Variants in NFATC3 observed in about 807,000 individuals in gnomAD.
NFATC3 encodes nuclear factor of activated T cells 3, also known as nuclear factor of activated T-cells, cytoplasmic 3.
Under a neutral mutation model 98.6 loss-of-function variants are expected in NFATC3, and 46 were observed. That is an observed-to-expected ratio of 0.47 (90% CI 0.37 to 0.60). The LOEUF (loss-of-function observed/expected upper bound fraction) is 0.60, where lower values mean the gene tolerates loss of function less well. Among genes scored for constraint, NFATC3 ranks in the 20% least tolerant of loss-of-function variants. The pLI, the probability that NFATC3 is intolerant of heterozygous loss-of-function variation, is 0.00. For missense variants in NFATC3, 1,256 were observed against 1,295.5 expected (o/e 0.97, Z 0.47); for synonymous variants, 512 against 472.2 (o/e 1.08, Z -1.09).
intron 8 of NFATC3, among the ~76,000 whole-genome samples, chr16:68,186,947 C>G (rs972187729): frequency 6.6e-6 from 1 of 152,236 alleles, no homozygotes; most frequent in African/African-American, 2.4e-5. Flanking sequence ...GCCGAAAACC[C>G]CTGTGGCTAG....
chr16:68,114,617 C>G (rs1032803923), intron 1 of NFATC3, among the ~76,000 whole-genome samples: 1 of 150,708 alleles, frequency 6.6e-6, no homozygotes, highest in Non-Finnish European at 1.5e-5. Context: ...GCTTTGTTGC[C>G]AGGCTGGAGT....
chr16:68,166,364 G>A (rs1173748390), intron 4 of NFATC3, among the ~76,000 whole-genome samples: 1 of 152,164 alleles, frequency 6.6e-6, no homozygotes, highest in East Asian at 1.9e-4. Context: ...TGGCTGGGTG[G>A]CTGGAGTGGT....
chr16:68,131,650 CT>C lies in NFATC3; in HGVS notation c.1401+5056del, dbSNP rs78084781. On this transcript the variant is annotated intron_variant, in intron 3 of 9. Coordinates refer to ENST00000346183, the MANE Select transcript of NFATC3 (RefSeq NM_173165.3). ...GCAGATACCAAGCACAATCAAGGTACTTTTTTTTTTTTTTTTAAGTAGAAAC... is the reference window on the plus strand; with the variant it reads ...GCAGATACCAAGCACAATCAAGGTACTTTTTTTTTTTTTTTAAGTAGAAAC... Among the ~76,000 whole-genome samples, 793 of 138,102 alleles carry C rather than the reference CT, an allele frequency of 5.7e-3. 2 individuals are homozygous for C. Among genetic ancestry groups the C allele is most frequent in the Middle Eastern group, 0.018 (5 of 278 alleles). The allele number at this position is 138,102 out of a possible 152,430, so 90.6% of individuals were successfully genotyped here.
chr16:68,187,458 C>T (rs1485403954), intron 8 of NFATC3, among the ~76,000 whole-genome samples: 1 of 152,144 alleles, frequency 6.6e-6, no homozygotes, highest in Non-Finnish European at 1.5e-5. Flanking sequence ...ATGAGGTACA[C>T]GGACAAATGG....
chr16:68,153,636 C>T (rs191698184), intron 3 of NFATC3, among the ~76,000 whole-genome samples: 12 of 152,130 alleles, frequency 7.9e-5, no homozygotes, highest in African/African-American at 1.2e-4. Context: ...TTTTTTGAGA[C>T]AGAGTCTCGC....
At chr16:68,191,911 A>G (rs1342108744) in intron 9 of NFATC3, 136 bp downstream of exon 9, 6 of 939,248 alleles carry the variant, frequency 6.4e-6, no homozygotes, top group East Asian at 2.6e-5. Flanking sequence ...TTAGAAATAT[A>G]TGTTAATATA....
chr16:68,208,252 G>A (rs2041230941), intron 9 of NFATC3, among the ~76,000 whole-genome samples: 1 of 151,674 alleles, frequency 6.6e-6, no homozygotes, highest in South Asian at 2.1e-4. Flanking sequence ...AGTCAGGCTG[G>A]TCTCAAACTC....
intron 1 of NFATC3, among the ~76,000 whole-genome samples, chr16:68,115,863 T>C (rs1006956337): frequency 2.0e-5 from 3 of 152,224 alleles, no homozygotes; most frequent in Non-Finnish European, 4.4e-5. Flanking sequence ...TTGATAACAG[T>C]ATAACCACAC....
intron 5 of NFATC3, among the ~76,000 whole-genome samples, chr16:68,173,776 G>A (rs2039573162): frequency 6.6e-6 from 1 of 152,166 alleles, no homozygotes; most frequent in African/African-American, 2.4e-5. Context: ...AAGAAAAGCA[G>A]ATGAGGTAAA....
intron 3 of NFATC3, among the ~76,000 whole-genome samples, chr16:68,156,727 G>A (rs1313582498): frequency 6.6e-6 from 1 of 152,088 alleles, no homozygotes; most frequent in Non-Finnish European, 1.5e-5. Context: ...ATCACCTGAG[G>A]TCAGGAGTTC....
intron 1 of NFATC3, among the ~76,000 whole-genome samples, chr16:68,113,403 C>G (rs1049270004): frequency 6.6e-6 from 1 of 152,230 alleles, no homozygotes; most frequent in Non-Finnish European, 1.5e-5. Flanking sequence ...CATCTACCCC[C>G]TCCTGCACCT....
At chr16:68,184,529 G>A (rs1399982683) in intron 8 of NFATC3, among the ~76,000 whole-genome samples, 2 of 152,122 alleles carry the variant, frequency 1.3e-5, no homozygotes, top group South Asian at 2.1e-4. Context: ...TAGGCCGGGC[G>A]CTGTGGCTCA....
intron 1 of NFATC3, 121 bp downstream of exon 1, chr16:68,085,905 C>G: frequency 1.4e-6 from 1 of 702,540 alleles, no homozygotes; most frequent in South Asian, 2.5e-5. Context: ...TGTGTGCGCG[C>G]GCGTGTGTGT....
chr16:68,200,012 G>A (rs888843318), intron 9 of NFATC3: 1 of 152,094 alleles, frequency 6.6e-6, no homozygotes, highest in Non-Finnish European at 1.5e-5. Flanking sequence ...GGCCTTTTGA[G>A]TTCTAACTAC....
chr16:68,202,841 AT>A (rs1484411384), intron 9 of NFATC3, among the ~76,000 whole-genome samples: 2 of 151,784 alleles, frequency 1.3e-5, no homozygotes, highest in Non-Finnish European at 2.9e-5. Context: ...ATAAAAAAAA[AT>A]AAATAAATAA....
At chr16:68,100,888 T>C (rs1202509679) in intron 1 of NFATC3, among the ~76,000 whole-genome samples, 2 of 105,904 alleles carry the variant, frequency 1.9e-5, no homozygotes, top group African/African-American at 6.7e-5. Flanking sequence ...TTGAGAGTTC[T>C]GTGTGTGTGT....
chr16:68,099,963 C>T (rs941136864), intron 1 of NFATC3, among the ~76,000 whole-genome samples: 5 of 152,036 alleles, frequency 3.3e-5, no homozygotes, highest in African/African-American at 9.7e-5. Flanking sequence ...TGTGAGCCAC[C>T]GTGCCAGGCC....
chr16:68,109,708 C>T lies in NFATC3; in HGVS notation c.104-12279C>T, dbSNP rs142793839. On this transcript the variant is annotated intron_variant, in intron 1 of 9. Transcript: ENST00000346183. ...AGCTGTAAATCTTTCTGGTCCTGGGCTTATTTTGGTTGGTAGGCTATGTAT... is the reference window on the plus strand; with the variant it reads ...AGCTGTAAATCTTTCTGGTCCTGGGTTTATTTTGGTTGGTAGGCTATGTAT... Among the ~76,000 whole-genome samples, 278 of 152,174 alleles carry T rather than the reference C, an allele frequency of 1.8e-3. 4 individuals carry two copies. The highest frequency in any genetic ancestry group is 6.3e-3 in the African/African-American group (262 of 41,518).
intron 3 of NFATC3, among the ~76,000 whole-genome samples, chr16:68,152,649 G>T (rs894877524): frequency 6.6e-6 from 1 of 152,150 alleles, no homozygotes; most frequent in Non-Finnish European, 1.5e-5. Context: ...TCAGGTAGCT[G>T]GGACTACAGG....
Sources: gnomAD v4.1 joint callset for allele counts (sites outside exome capture counted in the v4.1 genomes callset) on GRCh38, gnomAD v4.1.1 for gene constraint, MANE v1.5 for transcripts, NCBI Gene and HGNC (gene_info 2026-07-23, HGNC 2026-07-21) for gene names.